The following PCBP3 variants were observed in gnomAD, a reference collection of about 807,000 sequenced individuals.
PCBP3 encodes the protein poly(rC)-binding protein 3.
Under a neutral mutation model 52.7 loss-of-function variants are expected in PCBP3, and 25 were observed. The ratio of observed to expected loss-of-function variants is 0.47; its 90% confidence interval spans 0.35 to 0.66. The LOEUF (loss-of-function observed/expected upper bound fraction) is 0.66, where lower values mean the gene tolerates loss of function less well. Among genes scored for constraint, PCBP3 ranks in the 30% least tolerant of loss-of-function variants. The pLI is 0.01. For missense variants in PCBP3, 391 were observed against 490.3 expected (o/e 0.80, Z 1.91); for synonymous variants, 162 against 183.0 (o/e 0.89, Z 0.93).
intron 2 of PCBP3, among the ~76,000 whole-genome samples, chr21:45,731,863 C>G (rs2085479459): frequency 7.0e-6 from 1 of 143,034 alleles, no homozygotes; most frequent in African/African-American, 2.7e-5. Context: ...CCCCACAATG[C>G]ATTGCCTTTT....
chr21:45,935,433 G>C (rs2076785497), intron 16 of PCBP3, 128 bp downstream of exon 16: 1 of 723,898 alleles, frequency 1.4e-6, no homozygotes. Flanking sequence ...CAACCCCACT[G>C]TTTGATCTGT....
chr21:45,658,365 G>A (rs1437632944), intron 1 of PCBP3, among the ~76,000 whole-genome samples: 2 of 152,118 alleles, frequency 1.3e-5, no homozygotes, highest in Admixed American at 1.3e-4. Flanking sequence ...GTGCAGAGGT[G>A]CGATCTCAGC....
chr21:45,825,601 T>G (rs1298286692), intron 4 of PCBP3, among the ~76,000 whole-genome samples: 1 of 152,234 alleles, frequency 6.6e-6, no homozygotes, highest in Non-Finnish European at 1.5e-5. Context: ...TCAGATTGTT[T>G]TTCTGTATTA....
At chr21:45,647,787 C>A (rs1415167493) in intron 1 of PCBP3, among the ~76,000 whole-genome samples, 1 of 152,068 alleles carries the variant, frequency 6.6e-6, no homozygotes, top group African/African-American at 2.4e-5. Context: ...AATAATGGCT[C>A]ATAAAGCTGT....
chr21:45,845,383 G>A (rs1157285016), intron 4 of PCBP3, among the ~76,000 whole-genome samples: 1 of 152,288 alleles, frequency 6.6e-6, no homozygotes, highest in African/African-American at 2.4e-5. Flanking sequence ...GTGTGCACAT[G>A]TGTGTAAGTG....
chr21:45,884,453 CAAAT>C (rs948488889), intron 5 of PCBP3, among the ~76,000 whole-genome samples: 3 of 152,042 alleles, frequency 2.0e-5, no homozygotes, highest in Non-Finnish European at 2.9e-5. Flanking sequence ...TATACACACA[CAAAT>C]ATATATATGT....
intron 2 of PCBP3, among the ~76,000 whole-genome samples, chr21:45,695,207 C>T (rs2082697621): frequency 2.0e-5 from 3 of 152,192 alleles, no homozygotes; most frequent in South Asian, 2.1e-4. Context: ...GTCTTGGCCC[C>T]GTTTGTTGAA....
At chr21:45,931,973 G>T (rs56236702) in intron 15 of PCBP3, among the ~76,000 whole-genome samples, 4 of 148,324 alleles carry the variant, frequency 2.7e-5, no homozygotes, top group African/African-American at 7.5e-5. Context: ...TGAGATGAAC[G>T]AACACCTGGG....
intron 2 of PCBP3, among the ~76,000 whole-genome samples, chr21:45,732,365 G>C (rs1399007126): frequency 6.6e-6 from 1 of 152,034 alleles, no homozygotes; most frequent in Non-Finnish European, 1.5e-5. Context: ...GGTTCCTGTA[G>C]TGAAGCAAAT....
intron 13 of PCBP3, among the ~76,000 whole-genome samples, chr21:45,922,270 T>G (rs1424119006): frequency 6.6e-6 from 1 of 152,306 alleles, no homozygotes; most frequent in South Asian, 2.1e-4. Context: ...AATACCCTCA[T>G]AGGCCAGGTA....
rs147263656 is a variant in PCBP3, at chr21:45,719,418, G to A, written c.-199-15974G>A. Among the ~76,000 whole-genome samples, 8 of 152,274 alleles carry A rather than the reference G, an allele frequency of 5.3e-5. No individual in the cohort carries two copies. The East Asian group carries it at 7.7e-4, about 15-fold the overall frequency. On this transcript the variant is annotated intron_variant, in intron 2 of 17. Coordinates refer to ENST00000681687, the MANE Select transcript of PCBP3 (RefSeq NM_001384156.1). ...AATGTGTGCAGAGGGTTTTTAGTGT[G>A]TCTTCTCCAAGACATACTGATATGG...
At chr21:45,897,227 A>G (rs1274204664) in intron 6 of PCBP3, among the ~76,000 whole-genome samples, 2 of 152,192 alleles carry the variant, frequency 1.3e-5, no homozygotes, top group Non-Finnish European at 2.9e-5. Context: ...ACACACAGCC[A>G]TCAGTGTCAG....
chr21:45,935,087 G>A (rs2076741496), intron 15 of PCBP3, among the ~76,000 whole-genome samples, 166 bp from the exon 16 acceptor site: 1 of 152,182 alleles, frequency 6.6e-6, no homozygotes, highest in Non-Finnish European at 1.5e-5. Flanking sequence ...TGGCAGTTTG[G>A]GACTGAAGCT....
At chr21:45,934,979 G>A (rs1346535112) in intron 15 of PCBP3, among the ~76,000 whole-genome samples, 2 of 152,234 alleles carry the variant, frequency 1.3e-5, no homozygotes, top group African/African-American at 4.8e-5. Flanking sequence ...CATAACAGGG[G>A]AGTGAAGTCA....
chr21:45,731,579 T>G (rs1416897896), intron 2 of PCBP3, among the ~76,000 whole-genome samples: 2 of 152,242 alleles, frequency 1.3e-5, no homozygotes, highest in African/African-American at 4.8e-5. Context: ...GGAACTTTTC[T>G]TAAACAACAA....
Position 45,909,150 on chromosome 21 carries a change from G to A in PCBP3, c.340-205G>A, listed in dbSNP as rs74752882. The stretch of plus-strand genomic sequence containing the variant: ...GGCACGGTGACCATCCTGCCTTGCC[G>A]TCTGTGTGCCCTGCCAGCCTGCCCA... On this transcript the variant is annotated intron_variant, in intron 9 of 17. Coordinates refer to ENST00000681687, the MANE Select transcript of PCBP3 (RefSeq NM_001384156.1). Among the ~76,000 whole-genome samples, 960 of 152,054 alleles carry A rather than the reference G, an allele frequency of 6.3e-3. 19 individuals are homozygous for A. The highest frequency in any genetic ancestry group is 0.049 in the East Asian group (250 of 5,142).
intron 2 of PCBP3, among the ~76,000 whole-genome samples, chr21:45,685,182 C>A (rs1225141078): frequency 6.6e-6 from 1 of 151,990 alleles, no homozygotes; most frequent in Non-Finnish European, 1.5e-5. Context: ...AAGTGAGATA[C>A]CAAGAGTAGT....
rs150085293 is a variant in PCBP3 at position 45,801,405 on chromosome 21, A to G, written c.-126+45953A>G. Among the ~76,000 whole-genome samples the G allele has an allele frequency of 4.1e-3, 622 of 152,328 alleles. 7 individuals are homozygous for G. The highest frequency in any genetic ancestry group is 0.017 in the Middle Eastern group (5 of 294). Reference sequence around the variant, plus strand: ...TGGCTGCAGGGCCCCTGGGTGCACAAGGAGCTGCAGAGGAGCAGATGGCGG... The same window carrying G: ...TGGCTGCAGGGCCCCTGGGTGCACAGGGAGCTGCAGAGGAGCAGATGGCGG... On this transcript the variant is annotated intron_variant, in intron 4 of 17. Transcript: ENST00000681687.
At chr21:45,854,684 G>A (rs1272691981) in intron 5 of PCBP3, among the ~76,000 whole-genome samples, 8 of 152,216 alleles carry the variant, frequency 5.3e-5, no homozygotes, top group South Asian at 2.1e-4. Context: ...TGTTAGGAGC[G>A]GTGCCCTTGT....
Sources: allele counts gnomAD v4.1 joint callset (sites outside exome capture counted in the v4.1 genomes callset), GRCh38; gene constraint gnomAD v4.1.1; transcripts MANE v1.5; gene names NCBI Gene and HGNC (gene_info 2026-07-23, HGNC 2026-07-21).